Variants in FAAH2 observed in about 807,000 individuals in gnomAD.
FAAH2 encodes the protein fatty-acid amide hydrolase 2.
In FAAH2, 60 loss-of-function variants were observed where a neutral mutation model predicts 36.9. The observed-to-expected ratio is 1.63, with a 90% confidence interval of 1.32 to 2.02. FAAH2 has a LOEUF of 2.02. Ranked by LOEUF, FAAH2 falls within the 30% of genes most tolerant of loss-of-function variation. The pLI, the probability that FAAH2 is intolerant of heterozygous loss-of-function variation, is 0.00. For missense variants in FAAH2, 689 were observed against 397.5 expected (o/e 1.73, Z -6.23); for synonymous variants, 214 against 143.8 (o/e 1.49, Z -3.49).
the FAAH2 span, among the ~76,000 whole-genome samples, chrX:57,246,498 A>T: frequency 1.8e-5 from 2 of 111,864 alleles, no homozygotes; most frequent in African/African-American, 6.5e-5. Flanking sequence ...CAAATCCAGC[A>T]GCACATCAAA....
At chrX:57,379,813 A>T (rs867773967) in intron 6 of FAAH2, among the ~76,000 whole-genome samples, 1 of 101,681 alleles carries the variant, frequency 9.8e-6, no homozygotes, top group Non-Finnish European at 2.0e-5. Context: ...AAGTCCCTGA[A>T]TTTTTTTTTT....
At chrX:57,323,875 C>T (rs1295326386) in intron 3 of FAAH2, among the ~76,000 whole-genome samples, 4 of 110,745 alleles carry the variant, frequency 3.6e-5, no homozygotes, top group Non-Finnish European at 5.7e-5. Flanking sequence ...TTGGCTTTTG[C>T]TGCCATTGCT....
intron 10 of FAAH2, among the ~76,000 whole-genome samples, chrX:57,457,493 G>T (rs899256120): frequency 1.2e-5 from 1 of 84,197 alleles, no homozygotes; most frequent in African/African-American, 5.6e-5. Context: ...CAAATAAAAA[G>T]AGAGAAAATC....
chrX:57,336,458 G>A (rs1297429470), intron 4 of FAAH2, among the ~76,000 whole-genome samples: 1 of 111,320 alleles, frequency 9.0e-6, no homozygotes, highest in Non-Finnish European at 1.9e-5. Context: ...ATGAAACTTA[G>A]TACAGAACAA....
At chrX:57,168,606 C>T in the FAAH2 span, among the ~76,000 whole-genome samples, 1 of 111,662 alleles carries the variant, frequency 9.0e-6, no homozygotes. Flanking sequence ...CCTGCCCATC[C>T]ATTTATTAAT....
the FAAH2 span, among the ~76,000 whole-genome samples, chrX:57,202,931 G>T: frequency 8.9e-6 from 1 of 111,962 alleles, no homozygotes. Context: ...CCAGAGCCCT[G>T]CTAGGAATTT....
intron 10 of FAAH2, among the ~76,000 whole-genome samples, chrX:57,477,228 G>A (rs2057287914): frequency 9.2e-6 from 1 of 108,953 alleles, no homozygotes; most frequent in African/African-American, 3.3e-5. Flanking sequence ...TTAGTTATTT[G>A]TTTTTTAATT....
At chrX:57,185,084 G>A in the FAAH2 span, among the ~76,000 whole-genome samples, 4 of 111,204 alleles carry the variant, frequency 3.6e-5, no homozygotes, top group African/African-American at 9.8e-5. Context: ...TTACATACAA[G>A]CCAATTATAC....
At chrX:57,472,585 CTG>C (rs1267247114) in intron 10 of FAAH2, among the ~76,000 whole-genome samples, 4 of 111,616 alleles carry the variant, frequency 3.6e-5, no homozygotes, top group Admixed American at 1.9e-4. Flanking sequence ...CAAAACCTGA[CTG>C]TGAATCTGTC....
chrX:57,211,742 G>A, the FAAH2 span, among the ~76,000 whole-genome samples: 1 of 111,747 alleles, frequency 8.9e-6, no homozygotes, highest in East Asian at 2.8e-4. Context: ...AGGAGGACTT[G>A]AGACTGCTCA....
At chrX:57,240,084 TG>T in the FAAH2 span, among the ~76,000 whole-genome samples, 1 of 112,276 alleles carries the variant, frequency 8.9e-6, no homozygotes, top group Non-Finnish European at 1.9e-5. Context: ...TGCAGTTGTT[TG>T]GGGATAAGAA....
rs749490762 is a variant in FAAH2, at chrX:57,310,677, A to G, written c.360A>G (p.Lys120=). Residue 120 remains lysine (K), a synonymous_variant, in exon 3 of 11, where the codon AAA becomes AAG. Transcript: ENST00000374900. ...KQEDEATLEN[K]WPFLGVPLTV... ...AAGATGAAGCCACCCTGGAAAATAAATGGCCCTTCCTTGGGGTTCCTTTGA... is the reference window on the plus strand; with the variant it reads ...AAGATGAAGCCACCCTGGAAAATAAGTGGCCCTTCCTTGGGGTTCCTTTGA... 8.3e-7 allele frequency: 1 copy of G among 1,210,094 alleles called. No individual in the cohort carries two copies.
the FAAH2 span, among the ~76,000 whole-genome samples, chrX:57,162,867 A>G: frequency 8.9e-6 from 1 of 112,983 alleles, no homozygotes; most frequent in African/African-American, 3.2e-5. Flanking sequence ...AGCTTGTCAA[A>G]GTCAATCTCC....
intron 7 of FAAH2, chrX:57,394,861 C>G: frequency 9.3e-7 from 1 of 1,074,107 alleles, no homozygotes; most frequent in Non-Finnish European, 1.3e-6. Context: ...CATTGTTCCA[C>G]AGAAGCAAGT....
At chrX:57,234,436 A>G in the FAAH2 span, among the ~76,000 whole-genome samples, 1 of 111,557 alleles carries the variant, frequency 9.0e-6, no homozygotes, top group African/African-American at 3.3e-5. Flanking sequence ...GGGGCCTTTC[A>G]CTATATTTTT....
chrX:57,441,344 C>T (rs1422455887), intron 8 of FAAH2, among the ~76,000 whole-genome samples: 1 of 111,004 alleles, frequency 9.0e-6, no homozygotes, highest in Non-Finnish European at 1.9e-5. Flanking sequence ...GTGTGTGTGT[C>T]CAGGAATTTA....
chrX:57,228,514 G>T, the FAAH2 span, among the ~76,000 whole-genome samples: 1 of 111,002 alleles, frequency 9.0e-6, no homozygotes, highest in Non-Finnish European at 1.9e-5. Flanking sequence ...CCCGTGTCCT[G>T]CAGGAGCAGT....
intron 1 of FAAH2, chrX:57,290,434 C>A: frequency 4.3e-6 from 1 of 231,413 alleles, no homozygotes; most frequent in Non-Finnish European, 6.2e-6. Context: ...CTACTAGACG[C>A]ATAATTCTAA....
the FAAH2 span, among the ~76,000 whole-genome samples, chrX:57,234,894 C>A: frequency 9.0e-6 from 1 of 111,368 alleles, no homozygotes; most frequent in African/African-American, 3.3e-5. Flanking sequence ...AAAAATTAAC[C>A]GAGCATGGTG....
Sources: allele counts gnomAD v4.1 joint callset (sites outside exome capture counted in the v4.1 genomes callset), GRCh38; gene constraint gnomAD v4.1.1; transcripts MANE v1.5; gene names NCBI Gene and HGNC (gene_info 2026-07-23, HGNC 2026-07-21).